The following MROH9 variants were observed in gnomAD, a reference collection of about 807,000 sequenced individuals.
The protein encoded by MROH9 is maestro heat like repeat family member 9.
MROH9 carries 92 observed loss-of-function variants against 98.2 expected under a neutral mutation model. That is an observed-to-expected ratio of 0.94 (90% confidence interval 0.79 to 1.11). The LOEUF is 1.11. MROH9 is among the 50% of genes most tolerant of loss of function. MROH9 has a pLI of 0.00. For missense variants in MROH9, 1,057 were observed against 1,014.8 expected (o/e 1.04, Z -0.57); for synonymous variants, 397 against 368.9 (o/e 1.08, Z -0.87).
At chr1:171,030,887 A>C (rs1652883669) in intron 20 of MROH9, among the ~76,000 whole-genome samples, 1 of 152,096 alleles carries the variant, frequency 6.6e-6, no homozygotes, top group Admixed American at 6.5e-5. Context: ...GTGAGGTGTT[A>C]AAATATCCCA....
chr1:170,949,193 G>T (rs77146819), intron 3 of MROH9, among the ~76,000 whole-genome samples: 1 of 152,022 alleles, frequency 6.6e-6, no homozygotes, highest in African/African-American at 2.4e-5. Flanking sequence ...GTGATCTTAG[G>T]TAGGAAGGCT....
chr1:170,957,045 A>G (rs1482512903), intron 3 of MROH9, among the ~76,000 whole-genome samples: 1 of 141,476 alleles, frequency 7.1e-6, no homozygotes, highest in Non-Finnish European at 1.5e-5. Flanking sequence ...TTGAATCATG[A>G]GTTTCTTATA....
chr1:171,039,247 T>C (rs1260260774), intron 20 of MROH9, among the ~76,000 whole-genome samples: 1 of 152,226 alleles, frequency 6.6e-6, no homozygotes, highest in Non-Finnish European at 1.5e-5. Context: ...TTTCCACCTA[T>C]TTTGTTCATT....
chr1:170,943,777 C>A (rs1251691087), intron 1 of MROH9, among the ~76,000 whole-genome samples: 1 of 151,880 alleles, frequency 6.6e-6, no homozygotes, highest in African/African-American at 2.4e-5. Flanking sequence ...AACTTTAACT[C>A]AGTGTAACAG....
intron 20 of MROH9, among the ~76,000 whole-genome samples, chr1:171,037,840 G>C (rs1441136892): frequency 4.6e-5 from 7 of 152,004 alleles, no homozygotes; most frequent in Admixed American, 6.6e-5. Context: ...TGAAAATATG[G>C]AATGTTTGTT....
At chr1:170,942,251 A>G (rs1335269398) in intron 1 of MROH9, among the ~76,000 whole-genome samples, 1 of 151,904 alleles carries the variant, frequency 6.6e-6, no homozygotes. Flanking sequence ...GAGTCTAGTT[A>G]CGGGTCTAGA....
intron 20 of MROH9, among the ~76,000 whole-genome samples, chr1:171,036,214 G>A (rs1446308512): frequency 6.6e-6 from 1 of 152,058 alleles, no homozygotes; most frequent in Non-Finnish European, 1.5e-5. Context: ...TTTACACTTG[G>A]GGAGAAAATA....
chr1:170,972,401 T>G (rs1650494309), intron 8 of MROH9, among the ~76,000 whole-genome samples: 1 of 152,232 alleles, frequency 6.6e-6, no homozygotes, highest in Admixed American at 6.5e-5. Context: ...ATTTGTATAT[T>G]TGTAAGGGGT....
chr1:170,945,017 C>T (rs1194220535), intron 1 of MROH9, among the ~76,000 whole-genome samples: 1 of 151,940 alleles, frequency 6.6e-6, no homozygotes, highest in Admixed American at 6.6e-5. Context: ...CTGCCCTAAT[C>T]ACATGAGTCT....
intron 20 of MROH9, among the ~76,000 whole-genome samples, chr1:171,039,843 T>C (rs1297262090): frequency 6.6e-6 from 1 of 152,168 alleles, no homozygotes; most frequent in East Asian, 1.9e-4. Flanking sequence ...AAAAGCATTA[T>C]TCTTAAATTG....
At chr1:170,975,084 A>G (rs966123289) in intron 8 of MROH9, among the ~76,000 whole-genome samples, 1 of 152,060 alleles carries the variant, frequency 6.6e-6, no homozygotes, top group Non-Finnish European at 1.5e-5. Context: ...AAAGCAGATA[A>G]CACAAAATAG....
chr1:171,032,410 A>C (rs1652950976), intron 20 of MROH9, among the ~76,000 whole-genome samples: 1 of 151,440 alleles, frequency 6.6e-6, no homozygotes, highest in East Asian at 1.9e-4. Flanking sequence ...CATCTTCGTG[A>C]GTTTGTCTAG....
intron 7 of MROH9, among the ~76,000 whole-genome samples, chr1:170,968,250 A>T (rs985654686): frequency 1.3e-5 from 2 of 152,226 alleles, no homozygotes; most frequent in African/African-American, 4.8e-5. Context: ...CAAAGGATTA[A>T]TTGAAAACAT....
chr1:171,006,818 GTTA>G (rs1651968050), intron 15 of MROH9, among the ~76,000 whole-genome samples: 2 of 133,782 alleles, frequency 1.5e-5, no homozygotes, highest in Non-Finnish European at 3.3e-5. Context: ...TTTCTGTTTT[GTTA>G]TTTTTTTTTT....
intron 6 of MROH9, 50 bp from the exon 7 acceptor site, chr1:170,965,101 T>C (rs1208341884): frequency 2.2e-6 from 3 of 1,368,570 alleles, no homozygotes; most frequent in Non-Finnish European, 1.0e-6. Flanking sequence ...GAAAGGTTCT[T>C]GGAAAATGGA....
At position 170,959,610 on chromosome 1, in the gene MROH9, T is replaced by A; in HGVS notation, c.288+13T>A. 6.2e-7 allele frequency: 1 copy of A among 1,609,714 alleles called. No individual in the cohort carries two copies. Among genetic ancestry groups the A allele is most frequent in the Non-Finnish European group, 8.5e-7 (1 of 1,178,216 alleles). On this transcript the variant is annotated intron_variant, in intron 5 of 21. Transcript: ENST00000367759. ...TGAGGACATGGAGGTAAAATTTTTCTTCCTTTAATCATTATAGGATGTTAT... is the reference window on the plus strand; with the variant it reads ...TGAGGACATGGAGGTAAAATTTTTCATCCTTTAATCATTATAGGATGTTAT...
rs754778254 is a variant in MROH9, at chr1:170,959,525, G to A, written c.216G>A (p.Met72Ile). 40 of 1,613,704 alleles carry A rather than the reference G, an allele frequency of 2.5e-5. No homozygotes were observed. The highest frequency in any genetic ancestry group is 3.3e-5 in the Non-Finnish European group (39 of 1,179,754). The change falls in exon 5 of 22, where the codon ATG (methionine) becomes ATA (isoleucine). Residue 72 changes from methionine to isoleucine, a missense_variant. Transcript: ENST00000367759. ...QLKIIESSFG[M>I]LVVMPSLDKV... ...AGATAATAGAGTCATCCTTTGGAATGCTAGTTGTCATGCCAAGTCTTGACA... is the reference window on the plus strand; with the variant it reads ...AGATAATAGAGTCATCCTTTGGAATACTAGTTGTCATGCCAAGTCTTGACA...
At chr1:170,973,925 C>T (rs1650581935) in intron 8 of MROH9, among the ~76,000 whole-genome samples, 1 of 152,060 alleles carries the variant, frequency 6.6e-6, no homozygotes, top group African/African-American at 2.4e-5. Flanking sequence ...CTACATTCCA[C>T]TTATTAAAGG....
intron 13 of MROH9, among the ~76,000 whole-genome samples, chr1:170,996,167 C>A (rs978603130): frequency 1.3e-5 from 2 of 152,082 alleles, no homozygotes; most frequent in Non-Finnish European, 2.9e-5. Flanking sequence ...AAGAATATAT[C>A]CTATTCATTT....
Sources: gnomAD v4.1 joint callset for allele counts (sites outside exome capture counted in the v4.1 genomes callset) on GRCh38, gnomAD v4.1.1 for gene constraint, MANE v1.5 for transcripts, NCBI Gene and HGNC (gene_info 2026-07-23, HGNC 2026-07-21) for gene names.